The following SLC36A1 variants were observed in gnomAD, a reference collection of about 807,000 sequenced individuals.
The protein encoded by SLC36A1 is proton-coupled amino acid transporter 1.
In SLC36A1, 30 loss-of-function variants were observed where a neutral mutation model predicts 47.5. That is an observed-to-expected ratio of 0.63 (90% CI 0.47 to 0.86). The LOEUF is 0.86. Among genes scored for constraint, SLC36A1 ranks in the 40% least tolerant of loss-of-function variants. The probability of loss-of-function intolerance (pLI) is 0.00; values close to 1 mark genes in which losing one functional copy is unlikely to be tolerated. For synonymous variants in SLC36A1, 255 were observed against 249.7 expected, an observed-to-expected ratio of 1.02 and a Z score of -0.20; for missense variants, 517 against 606.0, an observed-to-expected ratio of 0.85 and a Z score of 1.54.
the SLC36A1 span, among the ~76,000 whole-genome samples, chr5:151,350,528 G>A: frequency 6.6e-6 from 1 of 152,248 alleles, no homozygotes; most frequent in South Asian, 2.1e-4. Context: ...TGCCATTCAA[G>A]ACTGGGACTT....
rs1407219653 is a variant in SLC36A1 at position 151,474,176 on chromosome 5, A to AG, written c.822+405_822+406insG. ...CTCTGTCTCAAAAAAAAAAAAAAAAAAAAGAAATTATCTTCTGTAACTCAC... is the reference window on the plus strand; with the variant it reads ...CTCTGTCTCAAAAAAAAAAAAAAAAAGAAAGAAATTATCTTCTGTAACTCAC... On this transcript the variant is annotated intron_variant, in intron 8 of 10. Transcript: ENST00000243389. Among the ~76,000 whole-genome samples the AG allele has an allele frequency of 4.4e-3, 446 of 101,798 alleles. 9 individuals carry two copies. Among genetic ancestry groups the AG allele is most frequent in the South Asian group, 7.0e-3 (20 of 2,854 alleles). The allele number at this position is 101,798 out of a possible 152,430, so 66.8% of individuals were successfully genotyped here.
chr5:151,380,466 T>C, the SLC36A1 span: 2 of 446,634 alleles, frequency 4.5e-6, no homozygotes, highest in Non-Finnish European at 9.1e-6. Context: ...GCTAGATGAC[T>C]TGGAAACATG....
At chr5:151,358,277 T>G in the SLC36A1 span, among the ~76,000 whole-genome samples, 1 of 151,074 alleles carries the variant, frequency 6.6e-6, no homozygotes, top group East Asian at 1.9e-4. Context: ...TCTTTTCTGT[T>G]TTTTTTTTGT....
At chr5:151,545,086 A>G in the SLC36A1 span, 7 of 1,614,080 alleles carry the variant, frequency 4.3e-6, no homozygotes, top group East Asian at 1.1e-4. Context: ...TGACTGGACC[A>G]TATGAAACAT....
the SLC36A1 span, chr5:151,382,047 C>A: frequency 1.5e-6 from 1 of 686,736 alleles, no homozygotes; most frequent in South Asian, 1.8e-5. Flanking sequence ...AGTCTTTGCC[C>A]TTCCTGTTAC....
chr5:151,549,164 T>G, the SLC36A1 span: 1 of 782,042 alleles, frequency 1.3e-6, no homozygotes, highest in South Asian at 1.8e-5. Flanking sequence ...CAGGGAATGC[T>G]CTAGAATTAT....
chr5:151,362,000 C>T, the SLC36A1 span, among the ~76,000 whole-genome samples: 1 of 152,178 alleles, frequency 6.6e-6, no homozygotes, highest in Non-Finnish European at 1.5e-5. Flanking sequence ...TTAGAATCCT[C>T]TCTCTGTCCT....
the SLC36A1 span, among the ~76,000 whole-genome samples, chr5:151,377,639 G>A: frequency 3.3e-5 from 5 of 151,864 alleles, no homozygotes; most frequent in African/African-American, 1.2e-4. Context: ...GAGCCACCGC[G>A]CCCGGCCTGC....
At chr5:151,549,282 C>T in the SLC36A1 span, 2 of 1,611,334 alleles carry the variant, frequency 1.2e-6, no homozygotes, top group South Asian at 2.2e-5. Flanking sequence ...GAGCTCATGG[C>T]CAGGCCTCTC....
At chr5:151,469,687 T>C (rs1376909806) in intron 7 of SLC36A1, among the ~76,000 whole-genome samples, 1 of 152,166 alleles carries the variant, frequency 6.6e-6, no homozygotes, top group Non-Finnish European at 1.5e-5. Flanking sequence ...CCTAATTTCA[T>C]AGAGACTCCC....
the SLC36A1 span, among the ~76,000 whole-genome samples, chr5:151,369,037 C>T: frequency 4.6e-5 from 7 of 152,152 alleles, no homozygotes; most frequent in Non-Finnish European, 1.0e-4. Context: ...CTAGTATAAC[C>T]CTTTAAATGA....
chr5:151,542,842 A>G, the SLC36A1 span: 3 of 1,614,126 alleles, frequency 1.9e-6, no homozygotes, highest in Non-Finnish European at 2.5e-6. Flanking sequence ...AATCTGGTAC[A>G]ATTTGGTGGA....
intron 1 of SLC36A1, among the ~76,000 whole-genome samples, chr5:151,457,198 A>G (rs1017195539): frequency 6.6e-6 from 1 of 152,094 alleles, no homozygotes; most frequent in Non-Finnish European, 1.5e-5. Flanking sequence ...TTGTTTTCAG[A>G]TTCTGACAGG....
At chr5:151,553,153 G>T in the SLC36A1 span, 1 of 1,610,224 alleles carries the variant, frequency 6.2e-7, no homozygotes, top group Non-Finnish European at 8.5e-7. Flanking sequence ...GTTGGCCCTT[G>T]TTGGGCCCTA....
At chr5:151,516,667 A>G in the SLC36A1 span, among the ~76,000 whole-genome samples, 11 of 152,230 alleles carry the variant, frequency 7.2e-5, no homozygotes, top group Non-Finnish European at 1.2e-4. Flanking sequence ...CCCCCATAGA[A>G]CAAAAGCTTT....
the SLC36A1 span, among the ~76,000 whole-genome samples, chr5:151,408,999 C>CTTTT: frequency 2.8e-5 from 4 of 140,634 alleles, no homozygotes. Flanking sequence ...TTTCTTTCCT[C>CTTTT]TTTTTTTTTT....
chr5:151,522,180 T>G, the SLC36A1 span: 1 of 1,018,190 alleles, frequency 9.8e-7, no homozygotes, highest in Non-Finnish European at 1.4e-6. Context: ...TACGTTTCTC[T>G]GCCCCACGCC....
intron 1 of SLC36A1, among the ~76,000 whole-genome samples, chr5:151,455,467 G>T (rs1754362742): frequency 6.6e-6 from 1 of 152,012 alleles, no homozygotes; most frequent in African/African-American, 2.4e-5. Context: ...GCAATATTCT[G>T]CTGTGGGTAA....
chr5:151,538,845 T>G, the SLC36A1 span, among the ~76,000 whole-genome samples: 1 of 136,206 alleles, frequency 7.3e-6, no homozygotes, highest in Admixed American at 7.3e-5. Flanking sequence ...CCTGGCTAAT[T>G]TTTTTTTTTT....
Sources: allele counts gnomAD v4.1 joint callset (sites outside exome capture counted in the v4.1 genomes callset), GRCh38; gene constraint gnomAD v4.1.1; transcripts MANE v1.5; gene names NCBI Gene and HGNC (gene_info 2026-07-23, HGNC 2026-07-21).